SNX4: variants seen among roughly 807,000 people sequenced by gnomAD.
SNX4 encodes the protein sorting nexin-4.
Under a neutral mutation model 70.8 loss-of-function variants are expected in SNX4, and 49 were observed. The observed-to-expected ratio is 0.69, with a 90% CI of 0.55 to 0.88. The LOEUF (loss-of-function observed/expected upper bound fraction) is 0.88. Among genes scored for constraint, SNX4 ranks in the 40% least tolerant of loss-of-function variants. The probability of loss-of-function intolerance (pLI) is 0.00; values close to 1 mark genes in which losing one functional copy is unlikely to be tolerated. For missense variants in SNX4, 528 were observed against 544.8 expected (o/e 0.97, Z 0.31); for synonymous variants, 206 against 183.8 (o/e 1.12, Z -0.98).
intron 10 of SNX4, among the ~76,000 whole-genome samples, chr3:125,459,593 T>C (rs1933822969): frequency 6.6e-6 from 1 of 152,050 alleles, no homozygotes; most frequent in South Asian, 2.1e-4. Flanking sequence ...CCCACCACTA[T>C]GCCTGGCTAA....
intron 9 of SNX4, among the ~76,000 whole-genome samples, chr3:125,461,308 T>C (rs1028361363): frequency 6.6e-6 from 1 of 152,240 alleles, no homozygotes; most frequent in African/African-American, 2.4e-5. Context: ...TCAGTGATGT[T>C]GTAAGTACAG....
At chr3:125,457,705 G>A (rs957529896) in intron 10 of SNX4, among the ~76,000 whole-genome samples, 2 of 150,196 alleles carry the variant, frequency 1.3e-5, no homozygotes, top group Non-Finnish European at 2.9e-5. Context: ...AGCTTCCCTA[G>A]TAGATGGGAT....
chr3:125,498,190 C>T lies in SNX4; in HGVS notation c.268G>A (p.Val90Ile), dbSNP rs754817040. ...ACACTCTGACCATCGGTATGTTCAA[C>T]TGACCTGAAAAGGAACAGAACAACA... is the stretch of plus-strand genomic sequence containing the variant. ...YTAYLIETRSVEHTDGQSVLT... is the reference protein window; with the variant it reads ...YTAYLIETRSIEHTDGQSVLT... Residue 90 changes from valine to isoleucine, a missense_variant, in exon 3 of 14, where the codon GTT becomes ATT. Transcript: ENST00000251775. 1.2e-6 allele frequency: 2 copies of T among 1,613,096 alleles called. No homozygotes were observed. Among genetic ancestry groups the T allele is most frequent in the East Asian group, 2.2e-5 (1 of 44,874 alleles).
chr3:125,466,278 G>A (rs1265089346), intron 9 of SNX4, among the ~76,000 whole-genome samples: 1 of 150,086 alleles, frequency 6.7e-6, no homozygotes, highest in East Asian at 2.0e-4. Context: ...ACCCCTTCCT[G>A]TTATCACATA....
At chr3:125,469,610 G>T in intron 8 of SNX4, 91 bp from the exon 9 acceptor site, 1 of 891,488 alleles carries the variant, frequency 1.1e-6, no homozygotes. Flanking sequence ...TGTCTAGCTA[G>T]CTTTAAAATA....
chr3:125,459,870 C>CTT (rs72443380), intron 10 of SNX4, among the ~76,000 whole-genome samples: 83,548 of 151,750 alleles, frequency 0.55, 24,591 homozygotes, highest in African/African-American at 0.77. Context: ...GAATAGTGCT[C>CTT]TTGTTTTCCT....
intron 9 of SNX4, among the ~76,000 whole-genome samples, chr3:125,466,365 C>T (rs1375932666): frequency 6.6e-6 from 1 of 150,468 alleles, no homozygotes; most frequent in Non-Finnish European, 1.5e-5. Context: ...AAAAGAAAAC[C>T]TAGTAAATAC....
At chr3:125,464,223 C>T (rs1289628089) in intron 9 of SNX4, among the ~76,000 whole-genome samples, 1 of 152,138 alleles carries the variant, frequency 6.6e-6, no homozygotes, top group Non-Finnish European at 1.5e-5. Flanking sequence ...CCCCATTTAA[C>T]TCTCAATTTC....
intron 2 of SNX4, among the ~76,000 whole-genome samples, chr3:125,499,937 G>A (rs1014595615): frequency 6.6e-6 from 1 of 152,074 alleles, no homozygotes; most frequent in Non-Finnish European, 1.5e-5. Context: ...GCAGGTGCCT[G>A]TAATCCCAGC....
At chr3:125,481,904 T>C (rs1559817069) in intron 6 of SNX4, among the ~76,000 whole-genome samples, 1 of 152,044 alleles carries the variant, frequency 6.6e-6, no homozygotes, top group Non-Finnish European at 1.5e-5. Flanking sequence ...TCTTTTTTTT[T>C]TAAAGGCCCA....
At position 125,469,524 on chromosome 3, in the gene SNX4, G is replaced by A. The variant is rs1184440605; in HGVS notation, c.789-5C>T. 1.2e-6 allele frequency: 2 copies of A among 1,608,166 alleles called. No homozygotes were observed. The highest frequency in any genetic ancestry group is 1.7e-5 in the Admixed American group (1 of 59,938). On this transcript the variant is annotated splice_region_variant and splice_polypyrimidine_tract_variant and intron_variant, in intron 8 of 13. Coordinates refer to ENST00000251775, the MANE Select transcript of SNX4 (RefSeq NM_003794.4). ...TTTTCTATGGCACTCCATTCACTAG[G>A]GAGTAAAAGATAAAACCAAAAGCAA...
rs1019247166 is a variant in SNX4, at chr3:125,500,419, G to C, written c.264-2225C>G. On this transcript the variant is annotated intron_variant, in intron 2 of 13. Coordinates refer to ENST00000251775, the MANE Select transcript of SNX4 (RefSeq NM_003794.4). The stretch of plus-strand genomic sequence containing the variant: ...AAATCTCTTGGGGAATTAAAAACCA[G>C]GGACTTTAGTTTTATTCAATCTTAG... 7.2e-5 allele frequency among the ~76,000 whole-genome samples: 11 copies of C among 152,192 alleles called. No individual in the cohort carries two copies. In the East Asian group the frequency reaches 1.9e-3, roughly 27 times the overall value.
chr3:125,486,644 A>T (rs1280184871), intron 6 of SNX4, among the ~76,000 whole-genome samples: 1 of 152,150 alleles, frequency 6.6e-6, no homozygotes, highest in Admixed American at 6.5e-5. Context: ...AGAGTACGTT[A>T]CTTATATAAT....
intron 1 of SNX4, among the ~76,000 whole-genome samples, chr3:125,511,952 A>C (rs1357259323): frequency 6.6e-6 from 1 of 152,200 alleles, no homozygotes; most frequent in Non-Finnish European, 1.5e-5. Context: ...TACAGGAAAA[A>C]TGAGGAAGAA....
intron 11 of SNX4, among the ~76,000 whole-genome samples, chr3:125,454,340 T>C (rs1445741522): frequency 6.6e-6 from 1 of 152,196 alleles, no homozygotes; most frequent in Non-Finnish European, 1.5e-5. Flanking sequence ...TAGATTCTCT[T>C]AGGAGCACGA....
chr3:125,461,664 ATTTT>A (rs750573774), intron 9 of SNX4, among the ~76,000 whole-genome samples: 1 of 144,864 alleles, frequency 6.9e-6, no homozygotes, highest in African/African-American at 2.5e-5. Flanking sequence ...TTTTATACTA[ATTTT>A]TTTTTTTTTT....
chr3:125,462,863 G>A (rs144407460), intron 9 of SNX4, among the ~76,000 whole-genome samples: 46 of 152,306 alleles, frequency 3.0e-4, no homozygotes, highest in African/African-American at 9.4e-4. Context: ...AGGGTGAGCC[G>A]GTGGTGTCAG....
intron 5 of SNX4, 116 bp downstream of exon 5, chr3:125,497,224 AT>A: frequency 1.6e-6 from 1 of 611,348 alleles, no homozygotes; most frequent in Non-Finnish European, 2.9e-6. Flanking sequence ...AATGATATTT[AT>A]TGTAAGACGA....
At chr3:125,478,652 T>C (rs779828697) in intron 7 of SNX4, among the ~76,000 whole-genome samples, 86 of 152,074 alleles carry the variant, frequency 5.7e-4, no homozygotes, top group Non-Finnish European at 9.1e-4. Flanking sequence ...CCTGTACTTT[T>C]AGATACCAAA....
Sources: gnomAD v4.1 joint callset for allele counts (sites outside exome capture counted in the v4.1 genomes callset) on GRCh38, gnomAD v4.1.1 for gene constraint, MANE v1.5 for transcripts, NCBI Gene and HGNC (gene_info 2026-07-23, HGNC 2026-07-21) for gene names.